CCDC38: variants seen among roughly 807,000 people sequenced by gnomAD.
CCDC38 encodes the protein coiled-coil domain containing 38, also known as coiled-coil domain-containing protein 38.
Under a neutral mutation model 72.8 loss-of-function variants are expected in CCDC38, and 69 were observed. The ratio of observed to expected loss-of-function variants is 0.95; its 90% CI spans 0.78 to 1.16. The LOEUF is 1.16. CCDC38 is among the 50% of genes most tolerant of loss of function. The probability of loss-of-function intolerance (pLI) is 0.00; values close to 1 mark genes in which losing one functional copy is unlikely to be tolerated. For missense variants in CCDC38, 626 were observed against 638.9 expected (o/e 0.98, Z 0.22); for synonymous variants, 201 against 213.2 (o/e 0.94, Z 0.50).
At chr12:95,910,302 TACACACACACAC>T (rs141853582) in intron 4 of CCDC38, among the ~76,000 whole-genome samples, 5 of 148,312 alleles carry the variant, frequency 3.4e-5, no homozygotes, top group African/African-American at 5.0e-5. Context: ...CCATTTACAT[TACACACACACAC>T]ACACACACAC....
intron 2 of CCDC38, chr12:95,934,344 A>G (rs913938968): frequency 6.6e-6 from 1 of 152,120 alleles, no homozygotes; most frequent in Admixed American, 6.5e-5. Flanking sequence ...ATATTATGTT[A>G]TTAATATATA....
intron 2 of CCDC38, among the ~76,000 whole-genome samples, chr12:95,936,100 A>T (rs1282575730): frequency 3.3e-5 from 5 of 152,064 alleles, no homozygotes; most frequent in African/African-American, 1.2e-4. Flanking sequence ...TTAATTAAAT[A>T]AAATAAAATA....
chr12:95,919,111 C>G (rs2080176446), intron 2 of CCDC38, 135 bp from the exon 3 acceptor site: 1 of 611,892 alleles, frequency 1.6e-6, no homozygotes, highest in Non-Finnish European at 2.9e-6. Flanking sequence ...AAAAGAAAAA[C>G]TTTGGCCGAA....
At chr12:95,872,485 A>G (rs374931828) in intron 13 of CCDC38, 25 bp from the exon 14 acceptor site, 4 of 1,440,028 alleles carry the variant, frequency 2.8e-6, no homozygotes, top group African/African-American at 2.8e-5. Flanking sequence ...AGCAGAAAAC[A>G]TTAACATCAC....
rs535911788 is a variant in CCDC38 at position 95,883,857 on chromosome 12, T to C, written c.921-2303A>G. On this transcript the variant is annotated intron_variant, in intron 10 of 15. Transcript: ENST00000344280. ...GTGTCTGCATGTTACTGTGAGCATC[T>C]AGATGCAGAAAAGGCATTTGGCAGG... 2.0e-5 allele frequency among the ~76,000 whole-genome samples: 3 copies of C among 152,304 alleles called. No homozygotes were observed. In the South Asian group the frequency reaches 6.2e-4, roughly 32 times the overall value.
intron 15 of CCDC38, among the ~76,000 whole-genome samples, chr12:95,868,929 G>A (rs149231534): frequency 3.4e-4 from 52 of 152,272 alleles, no homozygotes; most frequent in African/African-American, 1.2e-3. Context: ...TTTACAATGT[G>A]GGGATTATAC....
At chr12:95,883,126 G>A (rs755726522) in intron 10 of CCDC38, among the ~76,000 whole-genome samples, 3 of 152,028 alleles carry the variant, frequency 2.0e-5, no homozygotes, top group Middle Eastern at 3.2e-3. Context: ...CTTTGTTTCC[G>A]ATGCCATTAT....
At position 95,909,092 on chromosome 12, in the gene CCDC38, A is replaced by G. The variant is rs779169153; in HGVS notation, c.305-2641T>C. Among the ~76,000 whole-genome samples the G allele has an allele frequency of 2.0e-3, 312 of 152,324 alleles. 2 individuals are homozygous for G. The highest frequency in any genetic ancestry group is 1.6e-3 in the Non-Finnish European group (109 of 68,026). On this transcript the variant is annotated intron_variant, in intron 4 of 15. Coordinates refer to ENST00000344280, the MANE Select transcript of CCDC38 (RefSeq NM_182496.3). ...TTGAGACAAAAAAATAAAATCATAC[A>G]AAGAATCAATGAAACAAAAAGTTGG... is the stretch of plus-strand genomic sequence containing the variant.
intron 10 of CCDC38, 83 bp from the exon 11 acceptor site, chr12:95,881,637 G>A (rs758348172): frequency 4.2e-5 from 44 of 1,048,284 alleles, no homozygotes; most frequent in Middle Eastern, 4.2e-4. Flanking sequence ...CTAAATTGTC[G>A]TTGGAACCCA....
intron 8 of CCDC38, among the ~76,000 whole-genome samples, chr12:95,893,022 A>G (rs1004408527): frequency 6.6e-6 from 1 of 152,210 alleles, no homozygotes; most frequent in Non-Finnish European, 1.5e-5. Flanking sequence ...TCCGAATTCA[A>G]AAGTATTTGT....
chr12:95,870,380 C>T (rs544400446), intron 14 of CCDC38, among the ~76,000 whole-genome samples: 1 of 152,202 alleles, frequency 6.6e-6, no homozygotes, highest in South Asian at 2.1e-4. Flanking sequence ...GCAATAGGCA[C>T]TAAATATGTG....
chr12:95,926,697 C>G (rs202186405), intron 2 of CCDC38, among the ~76,000 whole-genome samples: 1 of 151,630 alleles, frequency 6.6e-6, no homozygotes, highest in Non-Finnish European at 1.5e-5. Context: ...AAATTTCCCT[C>G]TACACACTGC....
At chr12:95,925,683 T>C (rs1053009334) in intron 2 of CCDC38, among the ~76,000 whole-genome samples, 11 of 152,196 alleles carry the variant, frequency 7.2e-5, no homozygotes, top group African/African-American at 2.7e-4. Context: ...GGGTTTGTCA[T>C]AGATAGCTCT....
At chr12:95,923,543 T>A (rs7952786) in intron 2 of CCDC38, among the ~76,000 whole-genome samples, 15,135 of 151,466 alleles carry the variant, frequency 0.1, 1,256 homozygotes, top group East Asian at 0.46. Context: ...TTTTTTTTTT[T>A]AATTTATTAT....
chr12:95,928,978 A>C (rs537579675), intron 2 of CCDC38, among the ~76,000 whole-genome samples: 85 of 152,302 alleles, frequency 5.6e-4, no homozygotes, highest in South Asian at 5.4e-3. Context: ...TGCAGAGGTT[A>C]CTGCTGTCTT....
intron 2 of CCDC38, among the ~76,000 whole-genome samples, chr12:95,922,119 G>T (rs116118810): frequency 2.0e-3 from 307 of 152,246 alleles, no homozygotes; most frequent in African/African-American, 7.0e-3. Flanking sequence ...GGGAGTGGCT[G>T]GGATTATAGA....
At chr12:95,906,543 G>A (rs1365078089) in intron 4 of CCDC38, 92 bp from the exon 5 acceptor site, 1 of 835,712 alleles carries the variant, frequency 1.2e-6, no homozygotes, top group Admixed American at 2.5e-5. Flanking sequence ...TTATTCTACA[G>A]TATGTATCTG....
chr12:95,923,532 C>CT (rs112996030), intron 2 of CCDC38, among the ~76,000 whole-genome samples: 11 of 150,156 alleles, frequency 7.3e-5, no homozygotes, highest in South Asian at 2.1e-4. Context: ...TCCCAAGTGT[C>CT]TTTTTTTTTT....
chr12:95,874,504 G>T (rs542899915), intron 13 of CCDC38, among the ~76,000 whole-genome samples: 1 of 152,298 alleles, frequency 6.6e-6, no homozygotes, highest in East Asian at 1.9e-4. Flanking sequence ...AGAGAAGAAT[G>T]AGATGAATGA....
Sources: gnomAD v4.1 joint callset for allele counts (sites outside exome capture counted in the v4.1 genomes callset) on GRCh38, gnomAD v4.1.1 for gene constraint, MANE v1.5 for transcripts, NCBI Gene and HGNC (gene_info 2026-07-23, HGNC 2026-07-21) for gene names.